Variants in C1S observed in about 807,000 individuals in gnomAD.
C1S encodes the protein complement C1s subcomponent.
In C1S, 31 loss-of-function variants were observed where a neutral mutation model predicts 54.0. That is an observed-to-expected ratio of 0.57 (90% CI 0.43 to 0.78). C1S has a LOEUF of 0.78. C1S is among the 30% of genes least tolerant of loss of function. The pLI, the probability that C1S is intolerant of heterozygous loss-of-function variation, is 0.00. For synonymous variants in C1S, 292 were observed against 303.6 expected (o/e 0.96, Z 0.40); for missense variants, 727 against 851.8 (o/e 0.85, Z 1.82).
intron 1 of C1S, 63 bp from the exon 2 acceptor site, chr12:7,061,776 C>T (rs899898582): frequency 4.0e-5 from 36 of 899,042 alleles, no homozygotes; most frequent in African/African-American, 9.9e-5. Context: ...CAGGTGACGC[C>T]GCACCACCAA....
intron 10 of C1S, 115 bp downstream of exon 10, chr12:7,067,886 A>G (rs1937718868): frequency 3.6e-6 from 4 of 1,119,200 alleles, no homozygotes; most frequent in Non-Finnish European, 5.3e-6. Flanking sequence ...TAGGACAGAC[A>G]TTGTTCATCC....
intron 4 of C1S, chr12:7,063,349 A>G (rs1591576036): frequency 3.8e-6 from 2 of 521,236 alleles, no homozygotes; most frequent in East Asian, 8.7e-5. Flanking sequence ...GATTTTTCCT[A>G]TTTTAACACA....
At position 7,070,756 on chromosome 12, in the gene C1S, C is replaced by A; in HGVS notation, c.*105C>A. The A allele has an allele frequency of 2.0e-6, 2 of 979,430 alleles. No homozygotes were observed. Among genetic ancestry groups the A allele is most frequent in the Non-Finnish European group, 3.2e-6 (2 of 616,372 alleles). The allele number at this position is 979,430 out of a possible 1,614,324, so 60.7% of individuals were successfully genotyped here. ...CATCATGACTGAAAGAAGACACGAG[C>A]GAATGATTTAAATAGAACTTGATTG... On this transcript the variant is annotated 3_prime_UTR_variant, in exon 12 of 12. Coordinates refer to ENST00000360817, the MANE Select transcript of C1S (RefSeq NM_001734.5). This position sits in a 1 kb window ranked among gnomAD's most constrained non-coding sequence, Gnocchi z 4.9.
chr12:7,064,820 T>C (rs1165385026), intron 5 of C1S, among the ~76,000 whole-genome samples: 1 of 152,138 alleles, frequency 6.6e-6, no homozygotes, highest in East Asian at 1.9e-4. Flanking sequence ...AGTTAGTTAA[T>C]TGGATAAGAG....
At position 7,070,046 on chromosome 12, in the gene C1S, G is replaced by T; in HGVS notation, c.1462G>T (p.Gly488Trp). ...AAACAGGGAGCCAACAATGTATGTTGGGTCCACCTCAGTGCAGACCTCACG... is the reference window on the plus strand; with the variant it reads ...AAACAGGGAGCCAACAATGTATGTTTGGTCCACCTCAGTGCAGACCTCACG... ...EGNREPTMYV[G>W]STSVQTSRLA... Residue 488 changes from glycine to tryptophan, a missense_variant, in exon 12 of 12, where the codon GGG becomes TGG. By Grantham distance (184) the Gly-to-Trp change is radical (BLOSUM62 -2). Around this residue, in one of 3 missense-constraint regions of C1S, gnomAD observed 360 missense variants for 453.6 expected, o/e 0.79. Transcript: ENST00000360817. The surrounding 1 kb of genome is among the most constrained non-coding windows in gnomAD (Gnocchi z 4.9). The T allele has an allele frequency of 6.2e-7, 1 of 1,614,096 alleles. No individual in the cohort carries two copies. Among genetic ancestry groups the T allele is most frequent in the Non-Finnish European group, 8.5e-7 (1 of 1,180,014 alleles).
chr12:7,066,442 G>A (rs1937662216), intron 7 of C1S, 76 bp from the exon 8 acceptor site: 6 of 854,020 alleles, frequency 7.0e-6, no homozygotes, highest in Non-Finnish European at 1.2e-5. Flanking sequence ...GAAAGTGTGA[G>A]AATGATGTAA....
Position 7,070,624 on chromosome 12 carries a change from G to A in C1S, c.2040G>A (p.Gln680=), listed in dbSNP as rs1555163137. ...TTGACTGGATAATGAAGACTATGCA[G>A]GAAAATAGCACCCCCCGTGAGGACT... ...NYVDWIMKTM[Q]ENSTPRED Residue 680 remains glutamine, a synonymous_variant, in exon 12 of 12, where the codon CAG becomes CAA. Transcript: ENST00000360817. This position sits in a 1 kb window ranked among gnomAD's most constrained non-coding sequence, Gnocchi z 4.9. 1.2e-6 allele frequency: 2 copies of A among 1,614,064 alleles called. No individual in the cohort carries two copies. Among genetic ancestry groups the A allele is most frequent in the Admixed American group, 3.3e-5 (2 of 60,018 alleles).
In C1S at chr12:7,070,341, G is replaced by A. The variant is rs1937816408; in HGVS notation, c.1757G>A (p.Arg586Lys). The stretch of plus-strand genomic sequence containing the variant: ...CGTGCTGTTCGCCTCAAGGCGGCAA[G>A]GTTACCTGTAGCTCCTTTAAGAAAA... ...RDRAVRLKAA[R>K]LPVAPLRKCK... is the part of the protein sequence containing the mutation. The change falls in exon 12 of 12, where the codon AGG becomes AAG. Residue 586 changes from arginine (R) to lysine (K), a missense_variant. Arg to Lys is a conservative substitution (Grantham distance 26, BLOSUM62 2). This residue lies in a region of C1S where 360 missense variants were observed against 453.6 expected (regional missense o/e 0.79). Coordinates refer to ENST00000360817, the MANE Select transcript of C1S (RefSeq NM_001734.5). The surrounding 1 kb of genome is among the most constrained non-coding windows in gnomAD (Gnocchi z 4.9). 2 of 1,614,246 alleles carry A rather than the reference G, an allele frequency of 1.2e-6. No individual in the cohort carries two copies. Among genetic ancestry groups the A allele is most frequent in the Non-Finnish European group, 1.7e-6 (2 of 1,180,044 alleles).
In C1S at chr12:7,070,097, C is replaced by G. The variant is rs1591582245; in HGVS notation, c.1513C>G (p.Pro505Ala). ...SRLAKSKMLT[P>A]EHVFIHPGWK... is the part of the protein sequence containing the mutation. Reference sequence around the variant, plus strand: ...GCTGGCAAAATCCAAGATGCTCACTCCTGAGCATGTGTTTATTCATCCGGG... The same window carrying G: ...GCTGGCAAAATCCAAGATGCTCACTGCTGAGCATGTGTTTATTCATCCGGG... Residue 505 changes from proline to alanine, a missense_variant, in exon 12 of 12, where the codon CCT becomes GCT. Around this residue, in one of 3 missense-constraint regions of C1S, gnomAD observed 360 missense variants for 453.6 expected, o/e 0.79. Transcript: ENST00000360817. The surrounding 1 kb of genome is among the most constrained non-coding windows in gnomAD (Gnocchi z 4.9). 1.2e-5 allele frequency: 19 copies of G among 1,614,062 alleles called. No individual in the cohort carries two copies. The East Asian group carries it at 4.2e-4, about 36-fold the overall frequency.
rs1555162938 is a variant in C1S at position 7,070,002 on chromosome 12, C to T, written c.1418C>T (p.Ala473Val). Residue 473 changes from alanine to valine, a missense_variant, in exon 12 of 12, where the codon GCT becomes GTT. By Grantham distance (64) the Ala-to-Val change is moderately conservative. This residue lies in a region of C1S where 360 missense variants were observed against 453.6 expected (regional missense o/e 0.79). Transcript: ENST00000360817. This position sits in a 1 kb window ranked among gnomAD's most constrained non-coding sequence, Gnocchi z 4.9. The stretch of plus-strand genomic sequence containing the variant: ...ATTAATGAGTACTGGGTGCTGACGG[C>T]TGCTCATGTTGTGGAGGGAAACAGG... ...ALINEYWVLT[A>V]AHVVEGNREP... 1 of 1,614,204 alleles carries T rather than the reference C, an allele frequency of 6.2e-7. No individual in the cohort carries two copies. Among genetic ancestry groups the T allele is most frequent in the South Asian group, 1.1e-5 (1 of 91,084 alleles).
At chr12:7,063,397 T>C in intron 4 of C1S, 1 of 470,710 alleles carries the variant, frequency 2.1e-6, no homozygotes, top group Non-Finnish European at 4.2e-6. Flanking sequence ...TATTATTTGC[T>C]CCATATAAAG....
chr12:7,066,849 G>C, intron 8 of C1S, 190 bp from the exon 9 acceptor site: 1 of 706,336 alleles, frequency 1.4e-6, no homozygotes, highest in African/African-American at 1.8e-5. Flanking sequence ...TTGAGGAAGG[G>C]GAGTTGACAC....
In C1S at chr12:7,070,861, T is replaced by C. The variant is rs782700375; in HGVS notation, c.*210T>C. The C allele has an allele frequency of 1.7e-4, 100 of 600,246 alleles. 1 individual carries two copies. In the African/African-American group the frequency reaches 1.7e-3, roughly 10 times the overall value. 37.2% of individuals were successfully genotyped at this position (600,246 alleles called of 1,614,324 possible). A position where few individuals can be genotyped will look rare whatever the true frequency, so the allele number is the denominator to read the frequency against. On this transcript the variant is annotated 3_prime_UTR_variant, in exon 12 of 12. Transcript: ENST00000360817. The surrounding 1 kb of genome is among the most constrained non-coding windows in gnomAD (Gnocchi z 4.9). ...TTTGTGGTCTGACTCCTTGGGGTCC[T>C]TTCCCCGGAGTACCTATTGTAGATA...
At position 7,070,245 on chromosome 12, in the gene C1S, C is replaced by A; in HGVS notation, c.1661C>A (p.Ser554Tyr). The change falls in exon 12 of 12, where the codon TCT becomes TAT. Residue 554 changes from serine (S) to tyrosine (Y), a missense_variant. Ser to Tyr is a moderately radical substitution (Grantham distance 144, BLOSUM62 -2). Around this residue, in one of 3 missense-constraint regions of C1S, gnomAD observed 360 missense variants for 453.6 expected, o/e 0.79. Transcript: ENST00000360817. The surrounding 1 kb of genome is among the most constrained non-coding windows in gnomAD (Gnocchi z 4.9). Reference sequence around the variant, plus strand: ...TCTCCCATCTGCCTACCAGGCACCTCTTCCGACTACAACCTCATGGATGGG... The same window carrying A: ...TCTCCCATCTGCCTACCAGGCACCTATTCCGACTACAACCTCATGGATGGG... Reference protein sequence around the residue: ...TVSPICLPGTSSDYNLMDGDL... With the variant: ...TVSPICLPGTYSDYNLMDGDL... 1.2e-6 allele frequency: 2 copies of A among 1,614,166 alleles called. No homozygotes were observed. The highest frequency in any genetic ancestry group is 1.7e-6 in the Non-Finnish European group (2 of 1,179,978).
intron 11 of C1S, among the ~76,000 whole-genome samples, chr12:7,069,468 GAGA>G (rs1468020078): frequency 6.6e-6 from 1 of 152,220 alleles, no homozygotes; most frequent in Non-Finnish European, 1.5e-5. Flanking sequence ...CCATCTGTGT[GAGA>G]AAAGGGTTTC....
At chr12:7,067,425 G>A in intron 9 of C1S, 1 of 704,378 alleles carries the variant, frequency 1.4e-6, no homozygotes, top group Non-Finnish European at 2.5e-6. Context: ...CTTCACTACG[G>A]CTTTCATGGG....
Position 7,065,053 on chromosome 12 carries a change from T to G in C1S, c.518-47T>G, listed in dbSNP as rs782471764. ...ATCATAGAATAGTGCAGGAATTCCT[T>G]TGCTTGACCCTGTATTTGATTCTCC... is the stretch of plus-strand genomic sequence containing the variant. On this transcript the variant is annotated intron_variant, in intron 5 of 11. Transcript: ENST00000360817. 8.8e-6 allele frequency: 13 copies of G among 1,484,202 alleles called. No individual in the cohort carries two copies. The African/African-American group carries it at 1.7e-4, about 19-fold the overall frequency. The allele number at this position is 1,484,202 out of a possible 1,614,324, so 91.9% of individuals were successfully genotyped here.
intron 2 of C1S, 96 bp from the exon 3 acceptor site, chr12:7,062,379 C>T: frequency 1.1e-6 from 1 of 896,572 alleles, no homozygotes; most frequent in South Asian, 1.4e-5. Flanking sequence ...GACTGCCTCT[C>T]TTCTTCCCCC....
intron 11 of C1S, chr12:7,068,835 T>G: frequency 2.4e-6 from 1 of 417,266 alleles, no homozygotes; most frequent in East Asian, 4.2e-5. Flanking sequence ...TGAGAGTGTG[T>G]GAGTAATCAA....
Sources: gnomAD v4.1 joint callset for allele counts (sites outside exome capture counted in the v4.1 genomes callset) on GRCh38, gnomAD v4.1.1 for gene constraint, gnomAD v4.1.1 regional missense constraint, Gnocchi (gnomAD v3.1) non-coding constraint, MANE v1.5 for transcripts, NCBI Gene and HGNC (gene_info 2026-07-23, HGNC 2026-07-21) for gene names.